The following ANK2 variants were observed in gnomAD, a reference collection of about 807,000 sequenced individuals.
ANK2 encodes the protein ankyrin-2.
Under a neutral mutation model 360.5 loss-of-function variants are expected in ANK2, and 83 were observed. That is an observed-to-expected ratio of 0.23 (90% CI 0.19 to 0.28). ANK2 has a LOEUF of 0.28. Ranked by LOEUF, ANK2 falls within the 10% of genes least tolerant of loss-of-function variation. The probability of loss-of-function intolerance (pLI) is 1.00; values close to 1 mark genes in which losing one functional copy is unlikely to be tolerated. For synonymous variants in ANK2, 1,740 were observed against 1,759.5 expected (o/e 0.99, Z 0.28); for missense variants, 4,201 against 4,795.7 (o/e 0.88, Z 3.66).
At chr4:113,075,919 G>T (rs1022586007) in intron 1 of ANK2, among the ~76,000 whole-genome samples, 6 of 152,144 alleles carry the variant, frequency 3.9e-5, no homozygotes, top group Admixed American at 2.0e-4. Context: ...AAACTTTAGT[G>T]TGCGATAGAA....
intron 1 of ANK2, among the ~76,000 whole-genome samples, chr4:112,869,747 A>T (rs1229876974): frequency 6.6e-6 from 1 of 152,124 alleles, no homozygotes; most frequent in African/African-American, 2.4e-5. Flanking sequence ...CAGTGGTGTG[A>T]TCTCTGCTCA....
rs1008132500 is a variant in ANK2, at chr4:112,862,691, A to AT, written c.-39-41756dup. Among the ~76,000 whole-genome samples the AT allele has an allele frequency of 3.0e-4, 45 of 152,108 alleles. 1 individual carries two copies. The highest frequency in any genetic ancestry group is 6.2e-4 in the South Asian group (3 of 4,820). On this transcript the variant is annotated intron_variant, in intron 1 of 30. Coordinates refer to the ANK2 transcript ENST00000503271. ...TTATAATTTATAATTGTATTCTTAGATTTTTTTTGCAATTATTTCGTATCT... is the reference window on the plus strand; with the variant it reads ...TTATAATTTATAATTGTATTCTTAGATTTTTTTTTGCAATTATTTCGTATCT...
the ANK2 span, among the ~76,000 whole-genome samples, chr4:112,721,439 G>A: frequency 1.3e-5 from 2 of 151,022 alleles, no homozygotes; most frequent in African/African-American, 4.9e-5. Flanking sequence ...CTACTTGGGA[G>A]GCTAAGGCAG....
chr4:112,877,565 A>G (rs2075475758), intron 1 of ANK2, among the ~76,000 whole-genome samples: 1 of 152,164 alleles, frequency 6.6e-6, no homozygotes, highest in African/African-American at 2.4e-5. Flanking sequence ...TATGAGCTAC[A>G]AAGGATAGGA....
intron 9 of ANK2, among the ~76,000 whole-genome samples, chr4:113,244,460 G>A (rs905733217): frequency 2.0e-5 from 3 of 152,088 alleles, no homozygotes; most frequent in African/African-American, 7.2e-5. Context: ...GGTTTCCATG[G>A]TGTAAATACT....
At chr4:113,081,766 G>A (rs575349741) in intron 1 of ANK2, among the ~76,000 whole-genome samples, 1 of 151,312 alleles carries the variant, frequency 6.6e-6, no homozygotes, top group Non-Finnish European at 1.5e-5. Flanking sequence ...CATATTTTAA[G>A]TACTCAATAA....
chr4:113,116,395 GT>G lies in ANK2; in HGVS notation c.85-58018del, dbSNP rs1194294072. 1.8e-4 allele frequency among the ~76,000 whole-genome samples: 28 copies of G among 151,996 alleles called. 1 individual carries two copies. Among genetic ancestry groups the G allele is most frequent in the Non-Finnish European group, 2.9e-5 (2 of 67,988 alleles). The stretch of plus-strand genomic sequence containing the variant: ...AACCTCGCTGAGCCCAGATTATATT[GT>G]TTGTTCACTGACAGCTCTTTTCTAT... On this transcript the variant is annotated intron_variant, in intron 1 of 45. Coordinates refer to ENST00000357077, the MANE Select transcript of ANK2 (RefSeq NM_001148.6).
At chr4:113,198,630 A>G (rs1408538073) in intron 3 of ANK2, among the ~76,000 whole-genome samples, 1 of 152,018 alleles carries the variant, frequency 6.6e-6, no homozygotes, top group African/African-American at 2.4e-5. Flanking sequence ...GGTGAAAGAA[A>G]CTCAATGTTT....
At chr4:113,096,052 G>A (rs1434269734) in intron 1 of ANK2, among the ~76,000 whole-genome samples, 7 of 152,274 alleles carry the variant, frequency 4.6e-5, no homozygotes, top group South Asian at 2.1e-4. Context: ...GTGCTCCAGC[G>A]TCTTACAAAG....
Position 113,359,122 on chromosome 4 carries a change from G to A in ANK2, c.10504G>A (p.Val3502Ile), listed in dbSNP as rs1427194225. 1 of 1,614,036 alleles carries A rather than the reference G, an allele frequency of 6.2e-7. No homozygotes were observed. The change falls in exon 38 of 46, where the codon GTT (valine) becomes ATT (isoleucine). Residue 3502 changes from valine to isoleucine, a missense_variant. Transcript: ENST00000357077. ...LTQSEREQEI[V>I]SDDESSSALE... ...ACAGTCAGAGAGGGAGCAGGAAATAGTTTCAGACGATGAAAGTAGTAGTGC... is the reference window on the plus strand; with the variant it reads ...ACAGTCAGAGAGGGAGCAGGAAATAATTTCAGACGATGAAAGTAGTAGTGC...
At chr4:113,374,235 A>C (rs7671767) in intron 45 of ANK2, among the ~76,000 whole-genome samples, 3 of 152,102 alleles carry the variant, frequency 2.0e-5, no homozygotes, top group African/African-American at 7.2e-5. Context: ...TCTATACTTT[A>C]ATTTATTTCT....
chr4:112,874,129 T>A (rs921840013), intron 1 of ANK2, among the ~76,000 whole-genome samples: 1 of 145,258 alleles, frequency 6.9e-6, no homozygotes, highest in African/African-American at 2.6e-5. Context: ...TCTCCCAAGC[T>A]GGAGTTCAAT....
intron 2 of ANK2, among the ~76,000 whole-genome samples, chr4:113,042,757 G>T (rs564921290): frequency 1.1e-4 from 17 of 152,234 alleles, no homozygotes; most frequent in South Asian, 8.3e-4. Flanking sequence ...CAGTGCTGTT[G>T]TTTTTGCTCA....
intron 1 of ANK2, among the ~76,000 whole-genome samples, chr4:112,830,592 C>A (rs992215990): frequency 6.6e-6 from 1 of 151,250 alleles, no homozygotes; most frequent in Non-Finnish European, 1.5e-5. Context: ...TACACCAAAC[C>A]CCTGTAACAT....
In ANK2 at chr4:112,887,348, G is replaced by C. The variant is rs182969612; in HGVS notation, c.-39-17107G>C. Among the ~76,000 whole-genome samples, 12 of 152,270 alleles carry C rather than the reference G, an allele frequency of 7.9e-5. No homozygotes were observed. In the East Asian group the frequency reaches 2.3e-3, roughly 29 times the overall value. On this transcript the variant is annotated intron_variant, in intron 1 of 30. Transcript: ENST00000503271. ...AAATTTTGATGTTTCCCCAACTGTAGGCTAATGTAAGTGTTCTGAGTTCTG... is the reference window on the plus strand; with the variant it reads ...AAATTTTGATGTTTCCCCAACTGTACGCTAATGTAAGTGTTCTGAGTTCTG...
intron 2 of ANK2, among the ~76,000 whole-genome samples, chr4:113,018,690 G>A (rs1318875149): frequency 6.6e-6 from 1 of 152,196 alleles, no homozygotes; most frequent in Non-Finnish European, 1.5e-5. Context: ...CTGAGCATGG[G>A]CGGTGTTTCT....
intron 1 of ANK2, among the ~76,000 whole-genome samples, chr4:113,063,949 T>C (rs1331690351): frequency 6.6e-6 from 1 of 152,226 alleles, no homozygotes; most frequent in East Asian, 1.9e-4. Context: ...AAGCTGATTT[T>C]AAAATAATGT....
At position 113,174,595 on chromosome 4, in the gene ANK2, G is replaced by A. The variant is rs138293707; in HGVS notation, c.186+78G>A. 2,092 of 1,177,720 alleles carry A rather than the reference G, an allele frequency of 1.8e-3. 35 individuals are homozygous for A. The East Asian group carries it at 0.037, about 21-fold the overall frequency. The allele number at this position is 1,177,720 out of a possible 1,614,324, so 73.0% of individuals were successfully genotyped here. A position where few individuals can be genotyped will look rare whatever the true frequency, so the allele number is the denominator to read the frequency against. ...ATTCTCAGAGCCCAAGATTATTTTT[G>A]TCTTTATTAAAAATACTAAAATATC... is the stretch of plus-strand genomic sequence containing the variant. On this transcript the variant is annotated intron_variant, in intron 2 of 45. Transcript: ENST00000357077.
intron 22 of ANK2, among the ~76,000 whole-genome samples, chr4:113,298,419 T>A (rs1049478429): frequency 6.6e-6 from 1 of 152,130 alleles, no homozygotes; most frequent in Non-Finnish European, 1.5e-5. Flanking sequence ...AGGGATTATG[T>A]GATATAAATG....
Sources: gnomAD v4.1 joint callset for allele counts (sites outside exome capture counted in the v4.1 genomes callset) on GRCh38, gnomAD v4.1.1 for gene constraint, MANE v1.5 for transcripts, NCBI Gene and HGNC (gene_info 2026-07-23, HGNC 2026-07-21) for gene names.